USP37: variants seen among roughly 807,000 people sequenced by gnomAD.
USP37 encodes the protein ubiquitin carboxyl-terminal hydrolase 37.
Under a neutral mutation model 124.0 loss-of-function variants are expected in USP37, and 27 were observed. The ratio of observed to expected loss-of-function variants is 0.22; its 90% CI spans 0.16 to 0.30. USP37 has a LOEUF of 0.30. USP37 is among the 10% of genes least tolerant of loss of function. USP37 has a pLI of 1.00. For missense variants in USP37, 889 were observed against 1,140.4 expected (o/e 0.78, Z 3.17); for synonymous variants, 365 against 388.0 (o/e 0.94, Z 0.70).
At chr2:218,503,145 C>T (rs780961219) in intron 11 of USP37, among the ~76,000 whole-genome samples, 6 of 152,044 alleles carry the variant, frequency 3.9e-5, no homozygotes, top group Non-Finnish European at 8.8e-5. Context: ...AAGAGACACG[C>T]ACTGTAAGAA....
At chr2:218,457,577 G>A (rs1274365389) in intron 23 of USP37, among the ~76,000 whole-genome samples, 3 of 152,094 alleles carry the variant, frequency 2.0e-5, no homozygotes, top group Non-Finnish European at 2.9e-5. Flanking sequence ...AAAATGTTAC[G>A]TTAAGAGTTA....
At chr2:218,472,995 T>A (rs1409619233) in intron 20 of USP37, among the ~76,000 whole-genome samples, 1 of 152,196 alleles carries the variant, frequency 6.6e-6, no homozygotes, top group Non-Finnish European at 1.5e-5. Flanking sequence ...GTTTTTCTTC[T>A]AAAGCCTCCC....
chr2:218,459,071 A>G (rs938729882), intron 23 of USP37, among the ~76,000 whole-genome samples: 1 of 39,928 alleles, frequency 2.5e-5, no homozygotes, highest in Admixed American at 2.6e-4. Flanking sequence ...TTAAGGGGGG[A>G]AAAAGGGTTA....
At chr2:218,506,998 A>T (rs553102327) in intron 11 of USP37, among the ~76,000 whole-genome samples, 5 of 151,706 alleles carry the variant, frequency 3.3e-5, no homozygotes, top group African/African-American at 1.2e-4. Flanking sequence ...AGGGTTCATC[A>T]TGTTGGCCAG....
At chr2:218,498,202 T>C in intron 11 of USP37, 45 bp from the exon 12 acceptor site, 1 of 1,536,732 alleles carries the variant, frequency 6.5e-7, no homozygotes, top group Non-Finnish European at 8.7e-7. Flanking sequence ...CAGGAATTCC[T>C]AAAGTATGTT....
chr2:218,543,772 C>T (rs1397849480), intron 8 of USP37, among the ~76,000 whole-genome samples: 1 of 152,032 alleles, frequency 6.6e-6, no homozygotes, highest in Admixed American at 6.6e-5. Flanking sequence ...CACCACTGCA[C>T]TCCAGCCTGG....
In USP37 at chr2:218,553,583, C is replaced by A; in HGVS notation, c.298G>T (p.Asp100Tyr). The change falls in exon 5 of 26, where the codon GAT becomes TAT. Residue 100 changes from aspartate to tyrosine, a missense_variant. Coordinates refer to ENST00000258399, the MANE Select transcript of USP37 (RefSeq NM_020935.3). Reference protein sequence around the residue: ...KDAEEMRLFLDAVHQNRLPAA... With the variant: ...KDAEEMRLFLYAVHQNRLPAA... ...GGAAGTCTGTTTTGATGGACTGCAT[C>A]TAGAAACAACCTCATTTCCTCTGCA... 1 of 1,613,658 alleles carries A rather than the reference C, an allele frequency of 6.2e-7. No individual in the cohort carries two copies. The highest frequency in any genetic ancestry group is 1.3e-5 in the African/African-American group (1 of 75,020).
intron 14 of USP37, among the ~76,000 whole-genome samples, chr2:218,490,458 G>A (rs1691867462): frequency 1.3e-5 from 2 of 152,306 alleles, no homozygotes; most frequent in South Asian, 4.1e-4. Context: ...TGAGCTCAGA[G>A]ATTAAAACAC....
intron 10 of USP37, 54 bp downstream of exon 10, chr2:218,529,902 T>C: frequency 1.4e-6 from 2 of 1,381,640 alleles, no homozygotes; most frequent in Non-Finnish European, 2.0e-6. Context: ...CATTCAATAT[T>C]CTGAAAAAAA....
chr2:218,467,898 T>G lies in USP37; in HGVS notation c.2300-1722A>C, dbSNP rs1690446674. Among the ~76,000 whole-genome samples the G allele has an allele frequency of 2.6e-5, 4 of 151,806 alleles. No individual in the cohort carries two copies. In the South Asian group the frequency reaches 8.3e-4, roughly 31 times the overall value. Reference sequence around the variant, plus strand: ...ACATTTCATGTTTTTTTTGTTTTTTTTTTTTTTAAGACTGAGTCTTGCTCT... The same window carrying G: ...ACATTTCATGTTTTTTTTGTTTTTTGTTTTTTTAAGACTGAGTCTTGCTCT... On this transcript the variant is annotated intron_variant, in intron 20 of 25. Coordinates refer to ENST00000258399, the MANE Select transcript of USP37 (RefSeq NM_020935.3).
At chr2:218,468,973 G>A (rs113213027) in intron 20 of USP37, among the ~76,000 whole-genome samples, 2,120 of 152,306 alleles carry the variant, frequency 0.014, 18 homozygotes, top group Non-Finnish European at 0.024. Context: ...GATTATAGGT[G>A]TGAGCCACAC....
At chr2:218,503,606 T>C (rs1689512697) in intron 11 of USP37, among the ~76,000 whole-genome samples, 1 of 152,138 alleles carries the variant, frequency 6.6e-6, no homozygotes, top group South Asian at 2.1e-4. Flanking sequence ...TCCCAGCTAC[T>C]CTGGAGGCTG....
intron 14 of USP37, 80 bp downstream of exon 14, chr2:218,495,680 C>A: frequency 1.4e-6 from 2 of 1,427,806 alleles, no homozygotes; most frequent in East Asian, 2.3e-5. Context: ...GAATTCATGG[C>A]ATTTGGTATG....
chr2:218,501,260 G>C (rs889813174), intron 11 of USP37, among the ~76,000 whole-genome samples: 1 of 151,898 alleles, frequency 6.6e-6, no homozygotes, highest in Non-Finnish European at 1.5e-5. Context: ...GGCTGGTTTT[G>C]AACTCCTGGG....
rs541820646 is a variant in USP37 at position 218,474,791 on chromosome 2, A to G, written c.2138T>C (p.Leu713Ser). ...MSEEELLAAV[L>S]EISKRDASPS... is the part of the protein sequence containing the mutation. ...TGAAGCATCTCTCTTACTTATCTCC[A>G]AGACAGCTGCTAGAAGCTCTTCTTC... is the stretch of plus-strand genomic sequence containing the variant. The change falls in exon 20 of 26, where the codon TTG (leucine) becomes TCG (serine). Residue 713 changes from leucine (L) to serine (S), a missense_variant. This residue lies in a region of USP37 where 504 missense variants were observed against 714.3 expected (regional missense o/e 0.71). Coordinates refer to ENST00000258399, the MANE Select transcript of USP37 (RefSeq NM_020935.3). The G allele has an allele frequency of 1.2e-6, 2 of 1,614,106 alleles. No individual in the cohort carries two copies. The highest frequency in any genetic ancestry group is 2.2e-5 in the South Asian group (2 of 91,072).
chr2:218,485,553 T>C (rs1288203709), intron 16 of USP37, 111 bp downstream of exon 16: 3 of 1,217,402 alleles, frequency 2.5e-6, no homozygotes, highest in South Asian at 1.6e-5. Flanking sequence ...GTAACCTTCA[T>C]TTATTCAGTA....
Position 218,557,374 on chromosome 2 carries a change from G to A in USP37, c.156+1124C>T, listed in dbSNP as rs576398762. ...TTGAAAAAAAAATGAGCCTGTATTT[G>A]CAAAAAACCCTTTCTTTTGATGAGG... On this transcript the variant is annotated intron_variant, in intron 4 of 25. Transcript: ENST00000258399. 3.1e-3 allele frequency among the ~76,000 whole-genome samples: 478 copies of A among 151,942 alleles called. 5 individuals are homozygous for A. The highest frequency in any genetic ancestry group is 0.011 in the African/African-American group (445 of 41,466).
intron 16 of USP37, among the ~76,000 whole-genome samples, chr2:218,482,505 C>G (rs1161867337): frequency 6.6e-6 from 1 of 152,008 alleles, no homozygotes; most frequent in Non-Finnish European, 1.5e-5. Context: ...ATATAGCAGA[C>G]AAGAATGTTA....
intron 20 of USP37, among the ~76,000 whole-genome samples, chr2:218,468,683 G>T (rs1690505191): frequency 6.6e-6 from 1 of 151,880 alleles, no homozygotes; most frequent in Non-Finnish European, 1.5e-5. Flanking sequence ...ACCTGCCCTA[G>T]TACTGTATTT....
Sources: allele counts gnomAD v4.1 joint callset (sites outside exome capture counted in the v4.1 genomes callset), GRCh38; gene constraint gnomAD v4.1.1; regional missense constraint gnomAD v4.1.1; transcripts MANE v1.5; gene names NCBI Gene and HGNC (gene_info 2026-07-23, HGNC 2026-07-21).